Variants in NELL1 observed in about 807,000 individuals in gnomAD.
The protein encoded by NELL1 is protein kinase C-binding protein NELL1.
A neutral mutation model predicts 107.4 loss-of-function variants in NELL1; 76 were observed. The observed-to-expected ratio is 0.71, with a 90% CI of 0.59 to 0.86. The LOEUF is 0.86. NELL1 is among the 40% of genes least tolerant of loss of function. The pLI is 0.00. For synonymous variants in NELL1, 353 were observed against 341.2 expected, an observed-to-expected ratio of 1.03 and a Z score of -0.38; for missense variants, 1,024 against 1,005.5, an observed-to-expected ratio of 1.02 and a Z score of -0.25.
intron 12 of NELL1, among the ~76,000 whole-genome samples, chr11:21,026,416 T>C (rs1209519883): frequency 2.6e-5 from 4 of 152,216 alleles, no homozygotes; most frequent in East Asian, 1.9e-4. Flanking sequence ...TTCAGTTTTT[T>C]ACTCACATTT....
At chr11:20,808,432 G>C (rs1170762586) in intron 3 of NELL1, among the ~76,000 whole-genome samples, 2 of 152,252 alleles carry the variant, frequency 1.3e-5, no homozygotes, top group Non-Finnish European at 2.9e-5. Flanking sequence ...TCCTGAAGCA[G>C]AAGGAAGCAG....
intron 2 of NELL1, among the ~76,000 whole-genome samples, chr11:20,715,502 C>A (rs1269501591): frequency 6.6e-6 from 1 of 152,124 alleles, no homozygotes; most frequent in Non-Finnish European, 1.5e-5. Flanking sequence ...GGAGACTATG[C>A]CTGTGGAGCC....
At position 21,232,159 on chromosome 11, in the gene NELL1, A is replaced by AT. The variant is rs1270859097; in HGVS notation, c.1549+2705_1549+2706insT. On this transcript the variant is annotated intron_variant, in intron 14 of 19. Coordinates refer to ENST00000357134, the MANE Select transcript of NELL1 (RefSeq NM_006157.5). Reference sequence around the variant, plus strand: ...TACTAAAAAAAAATAAAAAAAAAAAAATATATATATATATATATAAATTAG... The same window carrying AT: ...TACTAAAAAAAAATAAAAAAAAAAAATATATATATATATATATATAAATTAG... Among the ~76,000 whole-genome samples, 196 of 73,204 alleles carry AT rather than the reference A, an allele frequency of 2.7e-3. 2 individuals carry two copies. Among genetic ancestry groups the AT allele is most frequent in the African/African-American group, 7.1e-3 (138 of 19,412 alleles). 48.0% of individuals were successfully genotyped at this position (73,204 alleles called of 152,430 possible).
intron 15 of NELL1, among the ~76,000 whole-genome samples, chr11:21,490,137 T>C (rs930516102): frequency 2.6e-5 from 4 of 151,944 alleles, no homozygotes; most frequent in African/African-American, 7.2e-5. Context: ...AGCATTTCTA[T>C]ACAACAATGA....
chr11:21,062,207 A>G (rs1853758855), intron 12 of NELL1, among the ~76,000 whole-genome samples: 1 of 152,248 alleles, frequency 6.6e-6, no homozygotes, highest in South Asian at 2.1e-4. Flanking sequence ...AAAATCATTA[A>G]TAATTTTTTA....
intron 10 of NELL1, among the ~76,000 whole-genome samples, chr11:20,940,717 C>T (rs1476533353): frequency 6.6e-6 from 1 of 152,158 alleles, no homozygotes; most frequent in South Asian, 2.1e-4. Context: ...AGGCCCAGGC[C>T]AGATTTATTG....
intron 12 of NELL1, among the ~76,000 whole-genome samples, chr11:20,988,609 T>G (rs1004600039): frequency 1.3e-5 from 2 of 149,284 alleles, no homozygotes; most frequent in African/African-American, 2.4e-5. Context: ...GTTCTTTTCT[T>G]TTTTTTTTTG....
At chr11:21,067,493 T>G (rs535209704) in intron 12 of NELL1, among the ~76,000 whole-genome samples, 6 of 152,106 alleles carry the variant, frequency 3.9e-5, no homozygotes. Flanking sequence ...GGAAGACAAC[T>G]CACAGTGCTC....
chr11:21,409,329 T>G (rs1039243262), intron 15 of NELL1, among the ~76,000 whole-genome samples: 14 of 151,874 alleles, frequency 9.2e-5, no homozygotes, highest in Admixed American at 7.2e-4. Flanking sequence ...ACTATCACAA[T>G]GACAAAAAAC....
At chr11:21,342,112 G>C (rs1850580217) in intron 14 of NELL1, among the ~76,000 whole-genome samples, 1 of 152,140 alleles carries the variant, frequency 6.6e-6, no homozygotes, top group African/African-American at 2.4e-5. Context: ...CAGAAAGCCT[G>C]GGTGAGAGAA....
chr11:20,707,939 C>T (rs1855011354), intron 2 of NELL1, among the ~76,000 whole-genome samples: 1 of 152,228 alleles, frequency 6.6e-6, no homozygotes, highest in Non-Finnish European at 1.5e-5. Flanking sequence ...GCCCTGCCCC[C>T]AGAGCTGGAG....
chr11:20,871,642 T>TAA (rs1554935454), intron 4 of NELL1, among the ~76,000 whole-genome samples: 4 of 150,938 alleles, frequency 2.7e-5, no homozygotes, highest in East Asian at 3.9e-4. Context: ...ATTTTTTTTT[T>TAA]ATTCATGTAG....
At chr11:20,771,643 C>T (rs76243803) in intron 2 of NELL1, among the ~76,000 whole-genome samples, 16 of 152,160 alleles carry the variant, frequency 1.1e-4, no homozygotes, top group African/African-American at 3.1e-4. Flanking sequence ...GAGCTGTTTG[C>T]GTATCATAGA....
intron 14 of NELL1, among the ~76,000 whole-genome samples, chr11:21,322,403 G>A (rs1229436778): frequency 6.6e-6 from 1 of 152,000 alleles, no homozygotes; most frequent in African/African-American, 2.4e-5. Context: ...AGATTGGAGG[G>A]CATACACCCA....
intron 13 of NELL1, among the ~76,000 whole-genome samples, chr11:21,123,771 A>G (rs192804169): frequency 6.6e-6 from 1 of 152,328 alleles, no homozygotes; most frequent in Admixed American, 6.5e-5. Context: ...TCCATTTATT[A>G]TTTGTAAGAA....
At position 21,088,323 on chromosome 11, in the gene NELL1, A is replaced by G. The variant is rs73462571; in HGVS notation, c.1301-25266A>G. Among the ~76,000 whole-genome samples the G allele has an allele frequency of 1.6e-3, 238 of 152,256 alleles. 1 individual carries two copies. The highest frequency in any genetic ancestry group is 5.2e-3 in the African/African-American group (218 of 41,542). On this transcript the variant is annotated intron_variant, in intron 12 of 19. Coordinates refer to ENST00000357134, the MANE Select transcript of NELL1 (RefSeq NM_006157.5). ...TGTATTGCTGGATCTGTGTTTCACA[A>G]TGGTTTTTTTCTCATTATCATAATT... is the stretch of plus-strand genomic sequence containing the variant.
At chr11:21,271,941 T>C (rs149996359) in intron 14 of NELL1, among the ~76,000 whole-genome samples, 4 of 152,310 alleles carry the variant, frequency 2.6e-5, no homozygotes, top group Non-Finnish European at 2.9e-5. Flanking sequence ...GATGGCTGAA[T>C]AGGAACAGCT....
chr11:21,403,931 G>A (rs899126681), intron 15 of NELL1, among the ~76,000 whole-genome samples: 5 of 149,386 alleles, frequency 3.3e-5, no homozygotes, highest in African/African-American at 7.4e-5. Context: ...CAGCTAGAGC[G>A]TTCCGTGACT....
chr11:20,684,432 T>G (rs1854259622), intron 2 of NELL1, among the ~76,000 whole-genome samples: 1 of 152,154 alleles, frequency 6.6e-6, no homozygotes, highest in Non-Finnish European at 1.5e-5. Flanking sequence ...ATATTGTAGC[T>G]TTAACTCTGT....
Sources: gnomAD v4.1 joint callset for allele counts (sites outside exome capture counted in the v4.1 genomes callset) on GRCh38, gnomAD v4.1.1 for gene constraint, MANE v1.5 for transcripts, NCBI Gene and HGNC (gene_info 2026-07-23, HGNC 2026-07-21) for gene names.